Variants in KYNU observed in about 807,000 individuals in gnomAD.
KYNU encodes L-kynurenine hydrolase.
KYNU carries 54 observed loss-of-function variants against 59.2 expected under a neutral mutation model. The ratio of observed to expected loss-of-function variants is 0.91; its 90% CI spans 0.73 to 1.14. KYNU has a LOEUF of 1.14. KYNU is among the 50% of genes most tolerant of loss of function. The pLI, the probability that KYNU is intolerant of heterozygous loss-of-function variation, is 0.00. For missense variants in KYNU, 567 were observed against 554.4 expected (o/e 1.02, Z -0.23); for synonymous variants, 177 against 192.0 (o/e 0.92, Z 0.65).
chr2:143,040,672 G>C lies in KYNU; in HGVS notation c.1272+14G>C, dbSNP rs1478091047. Reference sequence around the variant, plus strand: ...AGAGGAGTGGTTGTAAGTATGTCTTGCTTTGCTACCAGATTTTGTCTATGG... The same window carrying C: ...AGAGGAGTGGTTGTAAGTATGTCTTCCTTTGCTACCAGATTTTGTCTATGG... On this transcript the variant is annotated intron_variant, in intron 13 of 13. Coordinates refer to ENST00000264170, the MANE Select transcript of KYNU (RefSeq NM_003937.3). 4 of 1,549,528 alleles carry C rather than the reference G, an allele frequency of 2.6e-6. No homozygotes were observed. The highest frequency in any genetic ancestry group is 3.5e-6 in the Non-Finnish European group (4 of 1,132,300).
At position 143,033,390 on chromosome 2, in the gene KYNU, A is replaced by T. The variant is rs1429566556; in HGVS notation, c.1041+69A>T. ...TCTTGATCTGTTTGTGACAATTCAT[A>T]GTACTTTCTCTGCTACACAGCAAGA... On this transcript the variant is annotated intron_variant, in intron 12 of 13. Transcript: ENST00000264170. The T allele has an allele frequency of 4.6e-6, 5 of 1,093,164 alleles. No individual in the cohort carries two copies. In the African/African-American group the frequency reaches 7.7e-5, roughly 17 times the overall value. 67.7% of individuals were successfully genotyped at this position (1,093,164 alleles called of 1,614,324 possible). A position where few individuals can be genotyped will look rare whatever the true frequency, so the allele number is the denominator to read the frequency against.
intron 4 of KYNU, among the ~76,000 whole-genome samples, chr2:142,940,892 A>C (rs903510846): frequency 6.6e-6 from 1 of 152,162 alleles, no homozygotes; most frequent in Admixed American, 6.5e-5. Flanking sequence ...CTTTACTTTC[A>C]CTTTACTTTA....
chr2:142,892,545 T>C lies in KYNU; in HGVS notation c.169+7009T>C, dbSNP rs574410207. 7.2e-5 allele frequency among the ~76,000 whole-genome samples: 11 copies of C among 152,294 alleles called. No homozygotes were observed. The South Asian group carries it at 2.3e-3, about 32-fold the overall frequency. ...TAGGGAATATAGGGTACTAGGATGATTGGTATAATAGGGTGAAGAGTAAAT... is the reference window on the plus strand; with the variant it reads ...TAGGGAATATAGGGTACTAGGATGACTGGTATAATAGGGTGAAGAGTAAAT... On this transcript the variant is annotated intron_variant, in intron 2 of 13. Transcript: ENST00000264170.
At chr2:142,900,182 C>T (rs1327014474) in intron 2 of KYNU, among the ~76,000 whole-genome samples, 1 of 152,190 alleles carries the variant, frequency 6.6e-6, no homozygotes, top group African/African-American at 2.4e-5. Context: ...CAATGGCAAG[C>T]CTTTAGCCTG....
intron 8 of KYNU, among the ~76,000 whole-genome samples, chr2:142,963,252 A>G (rs1490975868): frequency 2.0e-5 from 3 of 152,154 alleles, no homozygotes; most frequent in East Asian, 3.8e-4. Context: ...CATCAAGAAA[A>G]AAAAAGTATT....
In KYNU at chr2:143,011,073, A is replaced by G. The variant is rs1477659737; in HGVS notation, c.903-18554A>G. Among the ~76,000 whole-genome samples the G allele has an allele frequency of 2.1e-5, 3 of 146,192 alleles. 1 individual carries two copies. The highest frequency in any genetic ancestry group is 5.1e-5 in the African/African-American group (2 of 39,048). ...CAAAATTGACAAATGGGATCTAATTAAACTAAAGAGCTTCTGCACAGCCAA... is the reference window on the plus strand; with the variant it reads ...CAAAATTGACAAATGGGATCTAATTGAACTAAAGAGCTTCTGCACAGCCAA... On this transcript the variant is annotated intron_variant, in intron 10 of 13. Transcript: ENST00000264170.
intron 2 of KYNU, among the ~76,000 whole-genome samples, chr2:142,910,419 G>A (rs893596243): frequency 1.3e-5 from 2 of 151,902 alleles, no homozygotes; most frequent in African/African-American, 2.4e-5. Context: ...TTTTAATGGG[G>A]TTATTTGTTT....
Position 143,006,758 on chromosome 2 carries a change from G to A in KYNU, c.902+20737G>A, listed in dbSNP as rs566557340. 2.8e-3 allele frequency among the ~76,000 whole-genome samples: 432 copies of A among 151,758 alleles called. 3 individuals carry two copies. The highest frequency in any genetic ancestry group is 9.7e-3 in the African/African-American group (400 of 41,348). On this transcript the variant is annotated intron_variant, in intron 10 of 13. Transcript: ENST00000264170. ...AGTGGGTTCCTGACCCCTGACCCCCGAGCAGCCTAACTGGGAGGCACCCCC... is the reference window on the plus strand; with the variant it reads ...AGTGGGTTCCTGACCCCTGACCCCCAAGCAGCCTAACTGGGAGGCACCCCC...
chr2:142,935,129 G>A lies in KYNU; in HGVS notation c.373+7388G>A, dbSNP rs992528382. Among the ~76,000 whole-genome samples, 7 of 152,336 alleles carry A rather than the reference G, an allele frequency of 4.6e-5. No homozygotes were observed. In the South Asian group the frequency reaches 1.0e-3, roughly 23 times the overall value. The stretch of plus-strand genomic sequence containing the variant: ...GTTTGAGGGCCGTCATCAAGCTTCT[G>A]AAGTTTGCGTGGAATATTGGGGGTG... On this transcript the variant is annotated intron_variant, in intron 4 of 13. Transcript: ENST00000264170.
At chr2:143,030,538 C>T (rs1453222906) in intron 11 of KYNU, among the ~76,000 whole-genome samples, 1 of 152,106 alleles carries the variant, frequency 6.6e-6, no homozygotes. Context: ...TACAGTGGTG[C>T]GATCAGGCTC....
At chr2:142,982,784 A>G (rs905271790) in intron 8 of KYNU, among the ~76,000 whole-genome samples, 1 of 152,104 alleles carries the variant, frequency 6.6e-6, no homozygotes, top group African/African-American at 2.4e-5. Flanking sequence ...TACTGTATCA[A>G]AGTATGCATA....
chr2:142,900,315 C>T (rs1342236389), intron 2 of KYNU, among the ~76,000 whole-genome samples: 2 of 152,088 alleles, frequency 1.3e-5, no homozygotes, highest in African/African-American at 2.4e-5. Context: ...GGATAGCAAG[C>T]GAAAGCTCAG....
chr2:142,885,551 A>G lies in KYNU; in HGVS notation c.169+15A>G. On this transcript the variant is annotated intron_variant, in intron 2 of 13. Transcript: ENST00000264170. ...TCTGCCTCCAGGTAAGAATGCTGGG[A>G]AGGTTTTTAAATTTTATTTATTTAT... is the stretch of plus-strand genomic sequence containing the variant. 1.2e-6 allele frequency: 2 copies of G among 1,603,620 alleles called. No individual in the cohort carries two copies. Among genetic ancestry groups the G allele is most frequent in the Non-Finnish European group, 1.7e-6 (2 of 1,173,560 alleles).
intron 4 of KYNU, among the ~76,000 whole-genome samples, chr2:142,936,107 G>A (rs1038942524): frequency 1.3e-5 from 2 of 152,074 alleles, no homozygotes; most frequent in African/African-American, 4.8e-5. Flanking sequence ...AAAGAGGTAG[G>A]GTTGGGAGGA....
intron 7 of KYNU, among the ~76,000 whole-genome samples, chr2:142,959,122 C>A (rs1212610559): frequency 6.6e-6 from 1 of 152,138 alleles, no homozygotes; most frequent in Non-Finnish European, 1.5e-5. Flanking sequence ...CACACACATA[C>A]ACACTCACAC....
chr2:143,021,092 A>G (rs1055074433), intron 10 of KYNU, among the ~76,000 whole-genome samples: 4 of 152,098 alleles, frequency 2.6e-5, no homozygotes, highest in Non-Finnish European at 5.9e-5. Context: ...CTTTTCTGTA[A>G]AAGGTCTATT....
chr2:142,901,870 G>C (rs1415681732), intron 2 of KYNU, among the ~76,000 whole-genome samples: 1 of 152,122 alleles, frequency 6.6e-6, no homozygotes, highest in African/African-American at 2.4e-5. Context: ...TTGAGTTAGG[G>C]ATTAGTCAAG....
chr2:143,012,254 G>T (rs1463389820), intron 10 of KYNU, among the ~76,000 whole-genome samples: 2 of 152,018 alleles, frequency 1.3e-5, no homozygotes, highest in African/African-American at 4.8e-5. Context: ...GGCCGAGGCG[G>T]GTGGATCACC....
chr2:142,917,988 T>C (rs919551138), intron 2 of KYNU, among the ~76,000 whole-genome samples: 3 of 152,186 alleles, frequency 2.0e-5, no homozygotes, highest in Admixed American at 2.0e-4. Flanking sequence ...GCACATGGAT[T>C]GGTTTGTTTG....
Sources: gnomAD v4.1 joint callset for allele counts (sites outside exome capture counted in the v4.1 genomes callset) on GRCh38, gnomAD v4.1.1 for gene constraint, MANE v1.5 for transcripts, NCBI Gene and HGNC (gene_info 2026-07-23, HGNC 2026-07-21) for gene names.